The following ARHGAP22 variants were observed in gnomAD, a reference collection of about 807,000 sequenced individuals.
ARHGAP22 encodes rho GTPase-activating protein 22.
Under a neutral mutation model 59.1 loss-of-function variants are expected in ARHGAP22, and 48 were observed. The observed-to-expected ratio is 0.81, with a 90% confidence interval of 0.64 to 1.03. The LOEUF is 1.03. Among genes scored for constraint, ARHGAP22 ranks in the 50% least tolerant of loss-of-function variants. ARHGAP22 has a pLI of 0.00. For synonymous variants in ARHGAP22, 445 were observed against 416.4 expected (o/e 1.07, Z -0.84); for missense variants, 1,015 against 958.7 (o/e 1.06, Z -0.78).
chr10:48,654,773 A>ACTTT (rs201340687), upstream of ARHGAP22, among the ~76,000 whole-genome samples: 5,434 of 111,906 alleles, frequency 0.049, 163 homozygotes, highest in Middle Eastern at 0.08. Context: ...CATGCTGATT[A>ACTTT]CTTTCTTTCT....
chr10:48,552,704 G>T (rs886542344), intron 3 of ARHGAP22, among the ~76,000 whole-genome samples: 3 of 152,230 alleles, frequency 2.0e-5, no homozygotes, highest in African/African-American at 7.2e-5. Context: ...GCCCTGCAAG[G>T]CTGGCTCAAA....
chr10:48,555,345 C>A (rs2057224683), intron 3 of ARHGAP22, 118 bp downstream of exon 3: 2 of 970,422 alleles, frequency 2.1e-6, no homozygotes, highest in Non-Finnish European at 3.2e-6. Flanking sequence ...CCGAGTCATG[C>A]CTGGAGACTG....
intron 4 of ARHGAP22, among the ~76,000 whole-genome samples, chr10:48,460,673 AC>A (rs1261153192): frequency 6.6e-6 from 1 of 152,258 alleles, no homozygotes; most frequent in Non-Finnish European, 1.5e-5. Context: ...ATACTTGCAC[AC>A]CCATGTTCAC....
At chr10:48,584,115 G>A (rs1399307112) in intron 1 of ARHGAP22, among the ~76,000 whole-genome samples, 1 of 152,180 alleles carries the variant, frequency 6.6e-6, no homozygotes, top group Non-Finnish European at 1.5e-5. Context: ...CTTGAACTCT[G>A]GAGAAATAAT....
Position 48,593,512 on chromosome 10 carries a change from C to G in ARHGAP22, c.35-10360G>C, listed in dbSNP as rs2059889829. 2.0e-5 allele frequency among the ~76,000 whole-genome samples: 3 copies of G among 152,136 alleles called. No individual in the cohort carries two copies. The South Asian group carries it at 6.2e-4, about 32-fold the overall frequency. ...GCACCACACTTTTGTGCTCTGGAGC[C>G]ATTATTAAGTAAAGTAAGGGTTACT... On this transcript the variant is annotated intron_variant, in intron 1 of 9. Transcript: ENST00000249601.
chr10:48,597,128 C>G (rs1290631798), intron 1 of ARHGAP22, among the ~76,000 whole-genome samples: 1 of 152,184 alleles, frequency 6.6e-6, no homozygotes, highest in Non-Finnish European at 1.5e-5. Context: ...TGGGACCTTG[C>G]TGACACCTCT....
intron 3 of ARHGAP22, among the ~76,000 whole-genome samples, chr10:48,503,083 G>A (rs180764843): frequency 6.6e-6 from 1 of 152,350 alleles, no homozygotes; most frequent in East Asian, 1.9e-4. Flanking sequence ...GACTTGGCCA[G>A]GCCTCCGCAG....
intron 3 of ARHGAP22, among the ~76,000 whole-genome samples, chr10:48,481,139 G>T (rs550119257): frequency 6.6e-6 from 1 of 152,230 alleles, no homozygotes; most frequent in Admixed American, 6.5e-5. Flanking sequence ...TGTGGAGGTC[G>T]GTAGGAAGGA....
intron 3 of ARHGAP22, among the ~76,000 whole-genome samples, chr10:48,536,778 G>C (rs1401826699): frequency 6.6e-6 from 1 of 152,192 alleles, no homozygotes; most frequent in African/African-American, 2.4e-5. Flanking sequence ...AGCTTCTGTT[G>C]CCCTGGGCTC....
At chr10:48,447,149 T>C (rs2045441120) in intron 9 of ARHGAP22, among the ~76,000 whole-genome samples, 1 of 152,172 alleles carries the variant, frequency 6.6e-6, no homozygotes, top group South Asian at 2.1e-4. Flanking sequence ...TCCATGATGC[T>C]ACTTCCTGTG....
chr10:48,530,661 T>G (rs938384832), intron 3 of ARHGAP22, among the ~76,000 whole-genome samples: 1 of 152,012 alleles, frequency 6.6e-6, no homozygotes, highest in Non-Finnish European at 1.5e-5. Context: ...AACAAGCATA[T>G]AGAAAAATGC....
chr10:48,608,719 A>C (rs1477318942), upstream of ARHGAP22, among the ~76,000 whole-genome samples: 1 of 152,208 alleles, frequency 6.6e-6, no homozygotes, highest in Non-Finnish European at 1.5e-5. Flanking sequence ...TGTCTATCCC[A>C]GTAGTGGGCC....
At chr10:48,523,955 G>C (rs1223836507) in intron 3 of ARHGAP22, 1 of 1,079,568 alleles carries the variant, frequency 9.3e-7, no homozygotes, top group Non-Finnish European at 1.2e-6. Context: ...AGGCAGGTGC[G>C]GGCGGCCCTG....
At chr10:48,492,588 T>A (rs2050509686) in intron 3 of ARHGAP22, among the ~76,000 whole-genome samples, 1 of 152,216 alleles carries the variant, frequency 6.6e-6, no homozygotes, top group Admixed American at 6.5e-5. Context: ...AGTTTCACTC[T>A]TTTTGCCCCA....
At chr10:48,654,486 C>A (rs1163020665), upstream of ARHGAP22, among the ~76,000 whole-genome samples, 2 of 152,212 alleles carry the variant, frequency 1.3e-5, no homozygotes, top group Non-Finnish European at 2.9e-5. Flanking sequence ...CTAAAGCCAA[C>A]CTGGTCTCAT....
chr10:48,542,495 G>GCTGCCT (rs1233945476), intron 3 of ARHGAP22, among the ~76,000 whole-genome samples: 1 of 152,216 alleles, frequency 6.6e-6, no homozygotes, highest in Non-Finnish European at 1.5e-5. Context: ...CCTGCCTCCT[G>GCTGCCT]CTGCCTCTGC....
the ARHGAP22 span, chr10:48,434,826 A>G: frequency 1.3e-6 from 2 of 1,507,392 alleles, no homozygotes; most frequent in African/African-American, 1.4e-5. Context: ...GTGCAGTGCA[A>G]GTAGCTTGAT....
intron 3 of ARHGAP22, among the ~76,000 whole-genome samples, chr10:48,500,983 A>C (rs2051458218): frequency 6.6e-6 from 1 of 152,108 alleles, no homozygotes; most frequent in African/African-American, 2.4e-5. Context: ...AATTTTGGAG[A>C]AGGCCTAAGT....
At chr10:48,582,768 A>G in intron 2 of ARHGAP22, 185 bp downstream of exon 2, 1 of 645,140 alleles carries the variant, frequency 1.6e-6, no homozygotes, top group South Asian at 2.0e-5. Context: ...GACATGTTCC[A>G]GTAAAACAGG....
Sources: allele counts gnomAD v4.1 joint callset (sites outside exome capture counted in the v4.1 genomes callset), GRCh38; gene constraint gnomAD v4.1.1; transcripts MANE v1.5; gene names NCBI Gene and HGNC (gene_info 2026-07-23, HGNC 2026-07-21).